CAMK2A: variants seen among roughly 807,000 people sequenced by gnomAD.
CAMK2A encodes calcium/calmodulin dependent protein kinase II alpha, also known as calcium/calmodulin-dependent protein kinase type II subunit alpha.
In CAMK2A, 7 loss-of-function variants were observed where a neutral mutation model predicts 79.2. The ratio of observed to expected loss-of-function variants is 0.09; its 90% CI spans 0.05 to 0.17. The LOEUF (loss-of-function observed/expected upper bound fraction) is 0.17. CAMK2A is among the 10% of genes least tolerant of loss of function. The pLI is 1.00. For missense variants in CAMK2A, 214 were observed against 646.4 expected, an observed-to-expected ratio of 0.33 and a Z score of 7.25; for synonymous variants, 242 against 251.7, an observed-to-expected ratio of 0.96 and a Z score of 0.36.
intron 17 of CAMK2A, 26 bp downstream of exon 17, chr5:150,228,166 C>A (rs1580896457): frequency 3.2e-6 from 5 of 1,570,226 alleles, no homozygotes; most frequent in Non-Finnish European, 4.4e-6. Context: ...AGACAACAGG[C>A]ACCACAGAGA....
intron 13 of CAMK2A, among the ~76,000 whole-genome samples, chr5:150,244,857 G>A (rs548697467): frequency 1.2e-4 from 19 of 152,172 alleles, no homozygotes; most frequent in East Asian, 3.9e-4. Flanking sequence ...CTCCAGCCTC[G>A]GAGAACCACA....
chr5:150,259,614 T>C lies in CAMK2A; in HGVS notation c.218-1997A>G, dbSNP rs141879260. ...ATAACTAAAAGATGTTTTAAATATA[T>C]TCTAAAGCAAAATCTTAAAGGCACA... On this transcript the variant is annotated intron_variant, in intron 3 of 18. Coordinates refer to ENST00000671881, the MANE Select transcript of CAMK2A (RefSeq NM_015981.4). Among the ~76,000 whole-genome samples, 910 of 152,320 alleles carry C rather than the reference T, an allele frequency of 6.0e-3. 9 individuals carry two copies. Among genetic ancestry groups the C allele is most frequent in the African/African-American group, 0.021 (858 of 41,582 alleles).
At chr5:150,289,071 A>C (rs1016980512) in intron 1 of CAMK2A, among the ~76,000 whole-genome samples, 1 of 152,064 alleles carries the variant, frequency 6.6e-6, no homozygotes, top group African/African-American at 2.4e-5. Context: ...GAAGTTGGCC[A>C]CTCTGTACAG....
chr5:150,227,942 T>C (rs557757176), intron 17 of CAMK2A, among the ~76,000 whole-genome samples: 2 of 152,214 alleles, frequency 1.3e-5, no homozygotes, highest in South Asian at 2.1e-4. Flanking sequence ...TGGGAGGGCT[T>C]GTCCTGTGTG....
chr5:150,252,861 C>T (rs2150281532), intron 7 of CAMK2A, among the ~76,000 whole-genome samples: 1 of 152,248 alleles, frequency 6.6e-6, no homozygotes, highest in East Asian at 1.9e-4. Context: ...AAGTCACATA[C>T]CTCATAAGTA....
intron 1 of CAMK2A, among the ~76,000 whole-genome samples, chr5:150,285,184 C>T (rs994807607): frequency 2.6e-5 from 4 of 152,162 alleles, no homozygotes; most frequent in Admixed American, 1.3e-4. Context: ...GCAGTCTTCC[C>T]CCGATATGCT....
chr5:150,223,402 GA>G lies in CAMK2A; in HGVS notation c.1238-186del, dbSNP rs2114012247. On this transcript the variant is annotated intron_variant, in intron 17 of 18. Coordinates refer to ENST00000671881, the MANE Select transcript of CAMK2A (RefSeq NM_015981.4). This position sits in a 1 kb window ranked among gnomAD's most constrained non-coding sequence, Gnocchi z 4.1. ...CAAGGTAGAACTTCTAGATGATGGG[GA>G]CATCACATCCTAGTTTAGATACAGT... Among the ~76,000 whole-genome samples the G allele has an allele frequency of 6.6e-6, 1 of 152,296 alleles. No individual in the cohort carries two copies. Among genetic ancestry groups the G allele is most frequent in the South Asian group, 2.1e-4 (1 of 4,818 alleles).
rs1002293808 is a variant in CAMK2A at position 150,222,440 on chromosome 5, C to T, written c.*270G>A. On this transcript the variant is annotated 3_prime_UTR_variant, in exon 19 of 19. Transcript: ENST00000671881. ...AGCAGCTGAGGCTGGGGAGAGGGGG[C>T]CAGTGCTGTGGACACCCATGCCTGA... 96 of 694,018 alleles carry T rather than the reference C, an allele frequency of 1.4e-4. No homozygotes were observed. Among genetic ancestry groups the T allele is most frequent in the Non-Finnish European group, 2.4e-4 (91 of 380,446 alleles). The allele number at this position is 694,018 out of a possible 1,614,324, so 43.0% of individuals were successfully genotyped here. A position where few individuals can be genotyped will look rare whatever the true frequency, so the allele number is the denominator to read the frequency against.
At chr5:150,278,289 C>T (rs1757041271) in intron 1 of CAMK2A, among the ~76,000 whole-genome samples, 1 of 151,300 alleles carries the variant, frequency 6.6e-6, no homozygotes, top group South Asian at 2.1e-4. Context: ...CCTGCCATGG[C>T]AGTGGGGATC....
At chr5:150,235,480 C>G (rs1377536162) in intron 15 of CAMK2A, among the ~76,000 whole-genome samples, 1 of 152,230 alleles carries the variant, frequency 6.6e-6, no homozygotes, top group African/African-American at 2.4e-5. Flanking sequence ...GACACTCTCT[C>G]AAGATCATAC....
At chr5:150,250,402 G>A in intron 10 of CAMK2A, 93 bp from the exon 11 acceptor site, 1 of 1,066,590 alleles carries the variant, frequency 9.4e-7, no homozygotes, top group Non-Finnish European at 1.4e-6. Flanking sequence ...CTTAATGGAG[G>A]TGTGGTTGAC....
intron 15 of CAMK2A, among the ~76,000 whole-genome samples, chr5:150,233,152 T>C (rs1405816090): frequency 6.6e-6 from 1 of 152,220 alleles, no homozygotes; most frequent in Admixed American, 6.5e-5. Context: ...CCTTTATCAC[T>C]GAATGAATGA....
chr5:150,279,744 C>T (rs1490820403), intron 1 of CAMK2A, among the ~76,000 whole-genome samples: 1 of 152,188 alleles, frequency 6.6e-6, no homozygotes, highest in Non-Finnish European at 1.5e-5. Flanking sequence ...GCAGGGAGGC[C>T]CCCCTCCGGC....
At chr5:150,255,634 T>C (rs541423222) in intron 6 of CAMK2A, among the ~76,000 whole-genome samples, 2 of 152,264 alleles carry the variant, frequency 1.3e-5, no homozygotes, top group South Asian at 4.2e-4. Flanking sequence ...TCCCCAGTGG[T>C]GCAAGGGGCT....
chr5:150,279,876 C>T (rs1757138570), intron 1 of CAMK2A, among the ~76,000 whole-genome samples: 1 of 152,224 alleles, frequency 6.6e-6, no homozygotes, highest in Non-Finnish European at 1.5e-5. Context: ...TTTCTAGCTG[C>T]CTGGCAGACA....
chr5:150,249,484 T>A (rs1755730759), intron 11 of CAMK2A, among the ~76,000 whole-genome samples: 1 of 151,902 alleles, frequency 6.6e-6, no homozygotes, highest in Non-Finnish European at 1.5e-5. Flanking sequence ...CCCTAAGGGG[T>A]CAGGCGCACT....
intron 2 of CAMK2A, among the ~76,000 whole-genome samples, chr5:150,269,216 A>ACCTTT (rs1756636036): frequency 6.6e-6 from 1 of 152,130 alleles, no homozygotes; most frequent in Admixed American, 6.5e-5. Flanking sequence ...TATCTTGGGA[A>ACCTTT]CCTTTTTGCT....
chr5:150,224,852 A>C (rs941872677), intron 17 of CAMK2A, among the ~76,000 whole-genome samples: 16 of 74,952 alleles, frequency 2.1e-4, no homozygotes, highest in Non-Finnish European at 3.5e-4. Context: ...CCTGAAAAAA[A>C]CGCAGTGGAA....
chr5:150,243,131 A>G (rs897221438), intron 13 of CAMK2A, among the ~76,000 whole-genome samples: 2 of 152,214 alleles, frequency 1.3e-5, no homozygotes, highest in Non-Finnish European at 2.9e-5. Flanking sequence ...AAAAGAGCTA[A>G]TAAGCATTTC....
Sources: gnomAD v4.1 joint callset for allele counts (sites outside exome capture counted in the v4.1 genomes callset) on GRCh38, gnomAD v4.1.1 for gene constraint, Gnocchi (gnomAD v3.1) non-coding constraint, MANE v1.5 for transcripts, NCBI Gene and HGNC (gene_info 2026-07-23, HGNC 2026-07-21) for gene names.